ADCY3: variants seen among roughly 807,000 people sequenced by gnomAD.
ADCY3 encodes the protein adenylate cyclase type 3.
A neutral mutation model predicts 119.4 loss-of-function variants in ADCY3; 70 were observed. The observed-to-expected ratio is 0.59, with a 90% CI of 0.48 to 0.72. ADCY3 has a LOEUF of 0.72. Among genes scored for constraint, ADCY3 ranks in the 30% least tolerant of loss-of-function variants. The probability of loss-of-function intolerance (pLI) is 0.00; values close to 1 mark genes in which losing one functional copy is unlikely to be tolerated. For missense variants in ADCY3, 1,238 were observed against 1,541.6 expected (o/e 0.80, Z 3.30); for synonymous variants, 672 against 621.4 (o/e 1.08, Z -1.21).
At position 24,821,531 on chromosome 2, in the gene ADCY3, A is replaced by AAGTT. The variant is rs1293429916; in HGVS notation, c.3109_3112dup (p.Phe1038Ter). 1 of 1,614,054 alleles carries AAGTT rather than the reference A, an allele frequency of 6.2e-7. No individual in the cohort carries two copies. Among genetic ancestry groups the AAGTT allele is most frequent in the Non-Finnish European group, 8.5e-7 (1 of 1,179,984 alleles). ...GGGGTGCTCACCTATGCGCAGCATG[A>AAGTT]AGTTATTGAAGGACTGGTTGTTGAT... is the stretch of plus-strand genomic sequence containing the variant. On this transcript the variant is annotated stop_gained and frameshift_variant, in exon 20 of 22. Coordinates refer to ENST00000679454, the MANE Select transcript of ADCY3 (RefSeq NM_004036.5). LOFTEE classifies it high-confidence loss of function.
At chr2:24,839,725 C>T in intron 7 of ADCY3, 148 bp downstream of exon 7, 1 of 1,186,940 alleles carries the variant, frequency 8.4e-7, no homozygotes, top group Non-Finnish European at 1.2e-6. Flanking sequence ...GGGCCAGGAC[C>T]AGGGCGAGAC....
intron 2 of ADCY3, among the ~76,000 whole-genome samples, chr2:24,912,125 T>G (rs1243347004): frequency 1.3e-5 from 2 of 152,178 alleles, no homozygotes; most frequent in Admixed American, 6.5e-5. Flanking sequence ...TGAGTCTCCG[T>G]GTTGGTGATA....
chr2:24,830,709 C>A lies in ADCY3; in HGVS notation c.2172G>T (p.Met724Ile). ...FILVMANVVDMLSCLQYYTGP... is the reference protein window; with the variant it reads ...FILVMANVVDILSCLQYYTGP... The stretch of plus-strand genomic sequence containing the variant: ...TTCAACAAGGACAGCAGGAGCTCAC[C>A]ATGTCCACGACATTTGCCATCACCA... The change falls in exon 13 of 22, where the codon ATG becomes ATT. Residue 724 changes from methionine (M) to isoleucine (I), a missense_variant and splice_region_variant. Coordinates refer to ENST00000679454, the MANE Select transcript of ADCY3 (RefSeq NM_004036.5). 6.2e-7 allele frequency: 1 copy of A among 1,613,158 alleles called. No individual in the cohort carries two copies. Among genetic ancestry groups the A allele is most frequent in the South Asian group, 1.1e-5 (1 of 90,954 alleles).
intron 2 of ADCY3, among the ~76,000 whole-genome samples, chr2:24,885,594 TCTC>T (rs1212530468): frequency 2.0e-5 from 3 of 152,020 alleles, no homozygotes; most frequent in African/African-American, 4.8e-5. Context: ...AGCCTCTGGG[TCTC>T]CTTTTTCCTC....
chr2:24,820,712 C>T lies in ADCY3; in HGVS notation c.3252+12G>A, dbSNP rs1344083800. On this transcript the variant is annotated intron_variant, in intron 21 of 21. Transcript: ENST00000679454. ...GAGTCTGAGCACGTGCCAGCTGTGC[C>T]ACTGGACATACCTGAATGTTGCCCA... 6.2e-7 allele frequency: 1 copy of T among 1,613,910 alleles called. No individual in the cohort carries two copies. The highest frequency in any genetic ancestry group is 8.5e-7 in the Non-Finnish European group (1 of 1,179,870).
rs1451779217 is a variant in ADCY3, at chr2:24,898,840, G to T, written c.675+19473C>A. On this transcript the variant is annotated intron_variant, in intron 2 of 21. Transcript: ENST00000679454. This position sits in a 1 kb window ranked among gnomAD's most constrained non-coding sequence, Gnocchi z 4.3. Reference sequence around the variant, plus strand: ...ACAGCAGCTCAGCAGTGGGAGGTCTGCAGCCTGGGGATAGCTCCAGTTCAC... The same window carrying T: ...ACAGCAGCTCAGCAGTGGGAGGTCTTCAGCCTGGGGATAGCTCCAGTTCAC... 1.3e-5 allele frequency among the ~76,000 whole-genome samples: 2 copies of T among 152,178 alleles called. No homozygotes were observed. The highest frequency in any genetic ancestry group is 4.8e-5 in the African/African-American group (2 of 41,432).
intron 3 of ADCY3, among the ~76,000 whole-genome samples, chr2:24,865,639 AC>A (rs1208518120): frequency 6.6e-6 from 1 of 151,962 alleles, no homozygotes; most frequent in African/African-American, 2.4e-5. Flanking sequence ...GGGATGACTT[AC>A]TTTTCCTAGT....
chr2:24,830,608 CGGT>C, intron 13 of ADCY3, 98 bp downstream of exon 13: 1 of 837,400 alleles, frequency 1.2e-6, no homozygotes, highest in South Asian at 1.6e-5. Context: ...AGCTACATGA[CGGT>C]GGAGGGATGG....
intron 2 of ADCY3, among the ~76,000 whole-genome samples, chr2:24,876,061 G>T (rs1249922612): frequency 2.0e-5 from 3 of 152,010 alleles, no homozygotes; most frequent in Non-Finnish European, 4.4e-5. Context: ...GGCACATTCA[G>T]GGCTCACCAC....
In ADCY3 at chr2:24,879,918, A is replaced by G. The variant is rs1676192405; in HGVS notation, c.676-7199T>C. 2.6e-5 allele frequency among the ~76,000 whole-genome samples: 4 copies of G among 152,326 alleles called. 1 individual carries two copies. In the South Asian group the frequency reaches 8.3e-4, roughly 32 times the overall value. The stretch of plus-strand genomic sequence containing the variant: ...GGGCAGGTGGGAAGGAGGAGTCATA[A>G]GGTCTGCAGACAGTGAGTGACTCTC... On this transcript the variant is annotated intron_variant, in intron 2 of 21. Transcript: ENST00000679454.
At chr2:24,827,832 A>G in intron 14 of ADCY3, 70 bp downstream of exon 14, 1 of 1,596,448 alleles carries the variant, frequency 6.3e-7, no homozygotes, top group South Asian at 1.1e-5. Flanking sequence ...CAGGCCCATG[A>G]GCTTGAACTG....
At chr2:24,897,829 G>A (rs541069148) in intron 2 of ADCY3, among the ~76,000 whole-genome samples, 6 of 152,196 alleles carry the variant, frequency 3.9e-5, no homozygotes, top group African/African-American at 1.2e-4. Flanking sequence ...TACCCGCTTC[G>A]GTGGCTCAGG....
rs1553349138 is a variant in ADCY3 at position 24,863,080 on chromosome 2, CA to C, written c.825+9489del. Among the ~76,000 whole-genome samples the C allele has an allele frequency of 4.6e-5, 7 of 151,336 alleles. No individual in the cohort carries two copies. The South Asian group carries it at 1.3e-3, about 27-fold the overall frequency. On this transcript the variant is annotated intron_variant, in intron 3 of 21. Coordinates refer to ENST00000679454, the MANE Select transcript of ADCY3 (RefSeq NM_004036.5). Reference sequence around the variant, plus strand: ...CTAGGACACTCTCAAATATCAGGACCAAAAAAAAGGCTTGAAGGAATATGCC... The same window carrying C: ...CTAGGACACTCTCAAATATCAGGACCAAAAAAAGGCTTGAAGGAATATGCC...
At chr2:24,912,264 C>A (rs546671830) in intron 2 of ADCY3, among the ~76,000 whole-genome samples, 5 of 150,168 alleles carry the variant, frequency 3.3e-5, no homozygotes, top group Non-Finnish European at 7.4e-5. Flanking sequence ...GGAGTTCAGG[C>A]CCAGCCTGGG....
chr2:24,866,564 C>CAAAAAAAAAAAAAAAAA (rs71397449), intron 3 of ADCY3, among the ~76,000 whole-genome samples: 1 of 46,542 alleles, frequency 2.1e-5, no homozygotes, highest in African/African-American at 9.4e-5. Flanking sequence ...GACCCTGTCT[C>CAAAAAAAAAAAAAAAAA]AAAAAAAAAA....
chr2:24,875,744 G>A (rs558211716), intron 2 of ADCY3, among the ~76,000 whole-genome samples: 3 of 152,178 alleles, frequency 2.0e-5, no homozygotes, highest in East Asian at 1.9e-4. Flanking sequence ...ACACAAGCAC[G>A]CACTTTATCA....
Position 24,841,750 on chromosome 2 carries a change from C to T in ADCY3, c.957-83G>A, listed in dbSNP as rs1671039803. The T allele has an allele frequency of 4.0e-6, 4 of 1,012,626 alleles. No individual in the cohort carries two copies. Among genetic ancestry groups the T allele is most frequent in the African/African-American group, 1.6e-5 (1 of 63,346 alleles). 62.7% of individuals were successfully genotyped at this position (1,012,626 alleles called of 1,614,324 possible). ...CACTGCCAGCTCCCTCTCCAACCCA[C>T]AGGGCAGCCAGGATCAGGGCAGGAG... is the stretch of plus-strand genomic sequence containing the variant. On this transcript the variant is annotated intron_variant, in intron 4 of 21. Transcript: ENST00000679454. This position sits in a 1 kb window ranked among gnomAD's most constrained non-coding sequence, Gnocchi z 5.8.
chr2:24,913,703 C>T (rs1004527420), intron 2 of ADCY3, among the ~76,000 whole-genome samples: 4 of 152,182 alleles, frequency 2.6e-5, no homozygotes, highest in Non-Finnish European at 5.9e-5. Context: ...ACCCTCCCTA[C>T]GGCAGCTCCC....
chr2:24,868,292 G>A (rs1430838423), intron 3 of ADCY3, among the ~76,000 whole-genome samples: 1 of 152,092 alleles, frequency 6.6e-6, no homozygotes, highest in Non-Finnish European at 1.5e-5. Flanking sequence ...ATTAAAACTT[G>A]TGAGATAAAG....
Sources: gnomAD v4.1 joint callset for allele counts (sites outside exome capture counted in the v4.1 genomes callset) on GRCh38, gnomAD v4.1.1 for gene constraint, Gnocchi (gnomAD v3.1) non-coding constraint, MANE v1.5 for transcripts, NCBI Gene and HGNC (gene_info 2026-07-23, HGNC 2026-07-21) for gene names.